Variants in ZSCAN23 observed in about 807,000 individuals in gnomAD.
ZSCAN23 encodes zinc finger and SCAN domain-containing protein 23.
ZSCAN23 carries 19 observed loss-of-function variants against 19.3 expected under a neutral mutation model. The observed-to-expected ratio is 0.99, with a 90% CI of 0.69 to 1.45. The LOEUF is 1.45. Ranked by LOEUF, ZSCAN23 falls within the 40% of genes most tolerant of loss-of-function variation. ZSCAN23 has a pLI of 0.00. For synonymous variants in ZSCAN23, 140 were observed against 166.2 expected (o/e 0.84, Z 1.21); for missense variants, 372 against 462.5 (o/e 0.80, Z 1.79).
At chr6:28,435,358 C>G in intron 3 of ZSCAN23, 102 bp downstream of exon 3, 1 of 1,420,966 alleles carries the variant, frequency 7.0e-7, no homozygotes, top group Non-Finnish European at 9.5e-7. Context: ...ATCCCTGGTA[C>G]CTGGCACAGT....
chr6:28,431,763 GACAA>G (rs1761764768), downstream of ZSCAN23, among the ~76,000 whole-genome samples: 1 of 152,168 alleles, frequency 6.6e-6, no homozygotes, highest in Non-Finnish European at 1.5e-5. Context: ...CACTGCTTAA[GACAA>G]TAGTATCTAA....
chr6:28,436,104 A>G lies in ZSCAN23; in HGVS notation c.163T>C (p.Cys55Arg), dbSNP rs369280790. The G allele has an allele frequency of 2.3e-5, 37 of 1,613,714 alleles. No individual in the cohort carries two copies. The highest frequency in any genetic ancestry group is 3.1e-5 in the Non-Finnish European group (36 of 1,179,844). The change falls in exon 2 of 4, where the codon TGC (cysteine) becomes CGC (arginine). Residue 55 changes from cysteine (C) to arginine (R), a missense_variant. Cys to Arg is a radical substitution (Grantham distance 180). Coordinates refer to ENST00000289788, the MANE Select transcript of ZSCAN23 (RefSeq NM_001012455.2). ...CGGGGCCCAGGGGACTCCTGATAGC[A>G]GAACTGCCTGAAGCGTCTACGAAAG... ...EIFRRRFRQF[C>R]YQESPGPREA...
At chr6:28,437,699 A>G (rs1260030817) in intron 1 of ZSCAN23, among the ~76,000 whole-genome samples, 2 of 152,220 alleles carry the variant, frequency 1.3e-5, no homozygotes, top group African/African-American at 4.8e-5. Context: ...TCTAAGCACC[A>G]TCTTCGAGTA....
the ZSCAN23 span, among the ~76,000 whole-genome samples, chr6:28,421,610 C>T: frequency 7.2e-5 from 11 of 152,234 alleles, no homozygotes; most frequent in East Asian, 2.1e-3. Flanking sequence ...GTCAAAAAAA[C>T]TTAAAACTTG....
chr6:28,436,255 G>C lies in ZSCAN23; in HGVS notation c.12C>G (p.Thr4=). 6.5e-7 allele frequency: 1 copy of C among 1,543,472 alleles called. No individual in the cohort carries two copies. The change falls in exon 2 of 4, where the codon ACC becomes ACG. Residue 4 remains threonine, a synonymous_variant. Coordinates refer to ENST00000289788, the MANE Select transcript of ZSCAN23 (RefSeq NM_001012455.2). ...GCATCTCTGCAGTCTGAAGGGTCAA[G>C]GTTATGGCCATCAAAGGTTTAACTA... MAI[T]LTLQTAEMQE...
At chr6:28,430,400 C>T (rs961049254), downstream of ZSCAN23, among the ~76,000 whole-genome samples, 8 of 152,156 alleles carry the variant, frequency 5.3e-5, no homozygotes, top group African/African-American at 1.7e-4. Context: ...CAACCAACCC[C>T]AGGTCTGGTA....
Position 28,434,495 on chromosome 6 carries a change from C to A in ZSCAN23, c.1140G>T (p.Arg380=). ...TTGATTCAGCCACTGGGTGGACTTT[C>A]CGATGCTGGATTAGGTTGCAATGGT... ...FIYHCNLIQH[R]KVHPVAESS is the part of the protein sequence containing the mutation. Residue 380 remains arginine (R), a synonymous_variant, in exon 4 of 4, where the codon CGG becomes CGT. Transcript: ENST00000289788. The A allele has an allele frequency of 6.5e-7, 1 of 1,548,728 alleles. No homozygotes were observed.
At chr6:28,440,208 C>A (rs540967918) in intron 1 of ZSCAN23, among the ~76,000 whole-genome samples, 1 of 152,182 alleles carries the variant, frequency 6.6e-6, no homozygotes, top group Non-Finnish European at 1.5e-5. Context: ...TGAACAATGG[C>A]TGGAACAAAG....
chr6:28,430,199 G>C (rs1368181407), downstream of ZSCAN23, among the ~76,000 whole-genome samples: 1 of 144,468 alleles, frequency 6.9e-6, no homozygotes, highest in Non-Finnish European at 1.5e-5. Context: ...TCAGGCATCA[G>C]GGTCTTTCCC....
chr6:28,425,454 A>C, the ZSCAN23 span, among the ~76,000 whole-genome samples: 2 of 152,048 alleles, frequency 1.3e-5, no homozygotes, highest in Non-Finnish European at 2.9e-5. Context: ...TAGCCTCCCT[A>C]GTAGCTGGGA....
the ZSCAN23 span, among the ~76,000 whole-genome samples, chr6:28,424,982 T>C: frequency 2.0e-5 from 3 of 152,362 alleles, no homozygotes; most frequent in South Asian, 6.2e-4. Context: ...GAGGAATCAC[T>C]ATCTATGGCA....
Position 28,436,206 on chromosome 6 carries a change from C to A in ZSCAN23, c.61G>T (p.Val21Leu). The part of the protein sequence containing the change: ...EMQEGLLAVK[V>L]KEEEEEHSCG... ...GAATGTTCCTCCTCTTCCTCCTTTA[C>A]CTTCACTGCCAGAAGTCCTTCCTGC... Residue 21 changes from valine to leucine, a missense_variant, in exon 2 of 4, where the codon GTA (valine) becomes TTA (leucine). Transcript: ENST00000289788. 2.6e-6 allele frequency: 4 copies of A among 1,552,964 alleles called. No homozygotes were observed. The highest frequency in any genetic ancestry group is 3.5e-6 in the Non-Finnish European group (4 of 1,147,590).
rs1049531099 is a variant in ZSCAN23 at position 28,441,425 on chromosome 6, C to T, written c.-78+1974G>A. Among the ~76,000 whole-genome samples the T allele has an allele frequency of 3.9e-5, 6 of 152,176 alleles. No homozygotes were observed. The East Asian group carries it at 1.2e-3, about 29-fold the overall frequency. On this transcript the variant is annotated intron_variant, in intron 1 of 3. Transcript: ENST00000289788. ...ATTATTCTAATCAGGCGTTTCTCAT[C>T]CCTGCGCCATGAGCTTGGTCTTGCC...
At chr6:28,438,298 T>C (rs997157411) in intron 1 of ZSCAN23, among the ~76,000 whole-genome samples, 1 of 152,168 alleles carries the variant, frequency 6.6e-6, no homozygotes, top group Non-Finnish European at 1.5e-5. Flanking sequence ...GGTTGTACCA[T>C]GTTGGCCAGG....
chr6:28,423,311 G>A, the ZSCAN23 span, among the ~76,000 whole-genome samples: 1 of 152,148 alleles, frequency 6.6e-6, no homozygotes, highest in Non-Finnish European at 1.5e-5. Context: ...CTCTAACTAC[G>A]CTAGAGAAGT....
rs565846388 is a variant in ZSCAN23, at chr6:28,435,399, G to A, written c.556+61C>T. 9.8e-6 allele frequency: 15 copies of A among 1,523,298 alleles called. No homozygotes were observed. In the South Asian group the frequency reaches 1.5e-4, roughly 16 times the overall value. 94.4% of individuals were successfully genotyped at this position (1,523,298 alleles called of 1,614,324 possible). ...GCATACAGCAGACACTAAATAAATG[G>A]GTTGAATTGATAAATATTCAGGGAA... is the stretch of plus-strand genomic sequence containing the variant. On this transcript the variant is annotated intron_variant, in intron 3 of 3. Coordinates refer to ENST00000289788, the MANE Select transcript of ZSCAN23 (RefSeq NM_001012455.2).
At position 28,435,481 on chromosome 6, in the gene ZSCAN23, C is replaced by A; in HGVS notation, c.535G>T (p.Val179Leu). 6.4e-7 allele frequency: 1 copy of A among 1,551,954 alleles called. No individual in the cohort carries two copies. Among genetic ancestry groups the A allele is most frequent in the Non-Finnish European group, 8.7e-7 (1 of 1,147,040 alleles). ...EEQLGYNLREVCPVQEIDGKA... is the reference protein window; with the variant it reads ...EEQLGYNLRELCPVQEIDGKA... ...TCACCAATCTCTTGAACTGGGCACA[C>A]CTCTCGCAAATTATACCCAAGTTGC... Residue 179 changes from valine (V) to leucine (L), a missense_variant, in exon 3 of 4, where the codon GTG becomes TTG. By Grantham distance (32) the Val-to-Leu change is conservative (BLOSUM62 1). Coordinates refer to ENST00000289788, the MANE Select transcript of ZSCAN23 (RefSeq NM_001012455.2).
At chr6:28,430,423 C>T (rs1235101068), downstream of ZSCAN23, among the ~76,000 whole-genome samples, 1 of 152,186 alleles carries the variant, frequency 6.6e-6, no homozygotes, top group African/African-American at 2.4e-5. Flanking sequence ...ATCTGTACCA[C>T]ACAAATTGTC....
chr6:28,440,821 T>C (rs772288804), intron 1 of ZSCAN23, among the ~76,000 whole-genome samples: 16 of 152,216 alleles, frequency 1.1e-4, no homozygotes, highest in Non-Finnish European at 2.1e-4. Context: ...CTGTATACTC[T>C]GGGTTCATTT....
Sources: allele counts gnomAD v4.1 joint callset (sites outside exome capture counted in the v4.1 genomes callset), GRCh38; gene constraint gnomAD v4.1.1; transcripts MANE v1.5; gene names NCBI Gene and HGNC (gene_info 2026-07-23, HGNC 2026-07-21).